The following C12orf43 variants were observed in gnomAD, a reference collection of about 807,000 sequenced individuals.
C12orf43 encodes the protein protein CUSTOS.
In C12orf43, 15 loss-of-function variants were observed where a neutral mutation model predicts 20.6. The ratio of observed to expected loss-of-function variants is 0.73; its 90% CI spans 0.49 to 1.12. C12orf43 has a LOEUF of 1.12. Ranked by LOEUF, C12orf43 falls within the 50% of genes most tolerant of loss-of-function variation. The pLI is 0.00. For missense variants in C12orf43, 334 were observed against 344.4 expected (o/e 0.97, Z 0.24); for synonymous variants, 144 against 130.8 (o/e 1.10, Z -0.69).
chr12:121,001,338 C>A lies in C12orf43; in HGVS notation c.*2815G>T. Reference sequence around the variant, plus strand: ...CCTCGCTCCCCACTCTGCTCTGATGCATCAGAAAGGGAGGGCTCTGAGGCG... The same window carrying A: ...CCTCGCTCCCCACTCTGCTCTGATGAATCAGAAAGGGAGGGCTCTGAGGCG... On this transcript the variant is annotated 3_prime_UTR_variant, in exon 6 of 6. Transcript: ENST00000288757. 9.7e-7 allele frequency: 1 copy of A among 1,032,512 alleles called. No individual in the cohort carries two copies. Among genetic ancestry groups the A allele is most frequent in the Non-Finnish European group, 1.4e-6 (1 of 703,766 alleles). 64.0% of individuals were successfully genotyped at this position (1,032,512 alleles called of 1,614,324 possible). A position where few individuals can be genotyped will look rare whatever the true frequency, so the allele number is the denominator to read the frequency against.
chr12:121,010,296 G>T (rs1234335621), intron 3 of C12orf43, among the ~76,000 whole-genome samples: 2 of 152,206 alleles, frequency 1.3e-5, no homozygotes, highest in African/African-American at 4.8e-5. Flanking sequence ...GACAGAGTGA[G>T]ACTCTGTCTC....
intron 1 of C12orf43, chr12:121,012,556 T>C (rs1444872809): frequency 1.4e-6 from 1 of 695,654 alleles, no homozygotes; most frequent in Non-Finnish European, 2.6e-6. Context: ...AGATGCACTT[T>C]TAAGATGGAG....
Position 121,011,866 on chromosome 12 carries a change from G to A in C12orf43, c.146-720C>T, listed in dbSNP as rs542834640. On this transcript the variant is annotated intron_variant, in intron 1 of 5. Coordinates refer to ENST00000288757, the MANE Select transcript of C12orf43 (RefSeq NM_022895.3). ...AACGGTGGGGATGCCCGGCCTTTTG[G>A]TCATTCCCTCAAACCAGATACTGAA... is the stretch of plus-strand genomic sequence containing the variant. Among the ~76,000 whole-genome samples the A allele has an allele frequency of 2.6e-5, 4 of 152,328 alleles. No individual in the cohort carries two copies. The South Asian group carries it at 8.3e-4, about 32-fold the overall frequency.
At chr12:121,015,666 A>G (rs569520164) in intron 1 of C12orf43, among the ~76,000 whole-genome samples, 1 of 152,360 alleles carries the variant, frequency 6.6e-6, no homozygotes, top group East Asian at 1.9e-4. Context: ...TATCAATAAA[A>G]TGATATATTG....
intron 3 of C12orf43, among the ~76,000 whole-genome samples, chr12:121,007,848 A>T (rs1231807411): frequency 6.6e-6 from 1 of 152,088 alleles, no homozygotes; most frequent in Non-Finnish European, 1.5e-5. Context: ...ACCCGGGGAG[A>T]GGGAGTAGAG....
rs1877780274 is a variant in C12orf43, at chr12:121,004,233, T to C, written c.709A>G (p.Lys237Glu). 2 of 1,614,200 alleles carry C rather than the reference T, an allele frequency of 1.2e-6. No homozygotes were observed. ...NGDQVSLGTK[K>E]KKKAKKASET... ...CTGGCCTTCTTTGCCTTTTTCTTCTTTTTGGTCCCAAGCGACACCTGGTCC... is the reference window on the plus strand; with the variant it reads ...CTGGCCTTCTTTGCCTTTTTCTTCTCTTTGGTCCCAAGCGACACCTGGTCC... Residue 237 changes from lysine (K) to glutamate (E), a missense_variant, in exon 6 of 6, where the codon AAG becomes GAG. Physicochemically the swap from Lys to Glu is moderately conservative, Grantham distance 56. Coordinates refer to ENST00000288757, the MANE Select transcript of C12orf43 (RefSeq NM_022895.3). The surrounding 1 kb of genome is among the most constrained non-coding windows in gnomAD (Gnocchi z 5.6).
Position 121,004,247 on chromosome 12 carries a change from G to A in C12orf43, c.695C>T (p.Ser232Leu), listed in dbSNP as rs753647640. ...CTTTTTCTTCTTTTTGGTCCCAAGC[G>A]ACACCTGGTCCCCGTTGAGCTCACC... ...KSGELNGDQV[S>L]LGTKKKKKAK... The change falls in exon 6 of 6, where the codon TCG becomes TTG. Residue 232 changes from serine (S) to leucine (L), a missense_variant. Transcript: ENST00000288757. The surrounding 1 kb of genome is among the most constrained non-coding windows in gnomAD (Gnocchi z 5.6). 11 of 1,614,078 alleles carry A rather than the reference G, an allele frequency of 6.8e-6. No homozygotes were observed. The highest frequency in any genetic ancestry group is 1.7e-5 in the Admixed American group (1 of 60,002).
chr12:121,006,418 T>C lies in C12orf43; in HGVS notation c.288-24A>G, dbSNP rs750292057. ...AGCTACAGGGAGACGAGACGGTTGA[T>C]TTAAGATGAGATTTTTGGATAACGA... On this transcript the variant is annotated intron_variant, in intron 3 of 5. Transcript: ENST00000288757. 14 of 1,609,584 alleles carry C rather than the reference T, an allele frequency of 8.7e-6. No homozygotes were observed. In the South Asian group the frequency reaches 1.5e-4, roughly 18 times the overall value.
rs1158976913 is a variant in C12orf43 at position 121,001,266 on chromosome 12, A to G, written c.*2887T>C. 1.4e-5 allele frequency: 22 copies of G among 1,575,668 alleles called. No homozygotes were observed. The highest frequency in any genetic ancestry group is 1.8e-5 in the Non-Finnish European group (21 of 1,156,062). The stretch of plus-strand genomic sequence containing the variant: ...GAGGGCAGCAGCCAGCCCTGCCTGG[A>G]GGACCTGAGCCTGCCGAGCAACCGT... On this transcript the variant is annotated 3_prime_UTR_variant, in exon 6 of 6. Transcript: ENST00000288757.
Position 121,013,525 on chromosome 12 carries a change from A to T in C12orf43, c.146-2379T>A, listed in dbSNP as rs114783472. The stretch of plus-strand genomic sequence containing the variant: ...CCTTCCTGGATTTGTAAGCTACTTG[A>T]ATACGTGGTCTGCCTCTTTTTACCT... On this transcript the variant is annotated intron_variant, in intron 1 of 5. Transcript: ENST00000288757. Among the ~76,000 whole-genome samples the T allele has an allele frequency of 7.7e-3, 1,177 of 152,304 alleles. 16 individuals are homozygous for T. The highest frequency in any genetic ancestry group is 0.026 in the African/African-American group (1,100 of 41,576).
In C12orf43 at chr12:121,004,911, C is replaced by T; in HGVS notation, c.452+92G>A. On this transcript the variant is annotated intron_variant, in intron 5 of 5. Coordinates refer to ENST00000288757, the MANE Select transcript of C12orf43 (RefSeq NM_022895.3). This position sits in a 1 kb window ranked among gnomAD's most constrained non-coding sequence, Gnocchi z 5.6. The stretch of plus-strand genomic sequence containing the variant: ...ACAGGGCCACTGCCTTGGCCTGGTC[C>T]TGACTGGAGTCTGCTTGGCTATTCC... 1 of 957,558 alleles carries T rather than the reference C, an allele frequency of 1.0e-6. No homozygotes were observed. The highest frequency in any genetic ancestry group is 2.6e-5 in the South Asian group (1 of 38,868). 59.3% of individuals were successfully genotyped at this position (957,558 alleles called of 1,614,324 possible).
In C12orf43 at chr12:121,004,292, G is replaced by C; in HGVS notation, c.650C>G (p.Thr217Arg). ...CTCACCTGACTTCTGCTTCTGGACT[G>C]TGGCCATGCTGGTGGGGGTGGTGGC... is the stretch of plus-strand genomic sequence containing the variant. ...VAATTPTSMA[T>R]VQKQKSGELN... Residue 217 changes from threonine to arginine, a missense_variant, in exon 6 of 6, where the codon ACA becomes AGA. Transcript: ENST00000288757. This position sits in a 1 kb window ranked among gnomAD's most constrained non-coding sequence, Gnocchi z 5.6. 1 of 1,614,240 alleles carries C rather than the reference G, an allele frequency of 6.2e-7. No individual in the cohort carries two copies. The highest frequency in any genetic ancestry group is 8.5e-7 in the Non-Finnish European group (1 of 1,180,052).
chr12:121,002,030 G>A lies in C12orf43; in HGVS notation c.*2123C>T, dbSNP rs1397514719. On this transcript the variant is annotated 3_prime_UTR_variant, in exon 6 of 6. Transcript: ENST00000288757. ...GCCTCGCAACCCGTGCCAAGTCCAG[G>A]TCCTGGTGGGGCAGCTCCTCTGTCT... The A allele has an allele frequency of 3.7e-6, 2 of 536,790 alleles. No individual in the cohort carries two copies. Among genetic ancestry groups the A allele is most frequent in the East Asian group, 7.8e-5 (2 of 25,794 alleles). The allele number at this position is 536,790 out of a possible 1,614,324, so 33.3% of individuals were successfully genotyped here. A position where few individuals can be genotyped will look rare whatever the true frequency, so the allele number is the denominator to read the frequency against.
intron 3 of C12orf43, among the ~76,000 whole-genome samples, chr12:121,010,353 C>G (rs952447965): frequency 1.3e-5 from 2 of 152,176 alleles, no homozygotes; most frequent in Non-Finnish European, 2.9e-5. Context: ...GTCAGACGCA[C>G]TTGGGTTTGA....
Position 121,005,943 on chromosome 12 carries a change from G to A in C12orf43, c.361+378C>T, listed in dbSNP as rs58594168. 4.0e-3 allele frequency: 704 copies of A among 174,948 alleles called. 33 individuals carry two copies. In the East Asian group the frequency reaches 0.087, roughly 22 times the overall value. 10.8% of individuals were successfully genotyped at this position (174,948 alleles called of 1,614,324 possible). A position where few individuals can be genotyped will look rare whatever the true frequency, so the allele number is the denominator to read the frequency against. On this transcript the variant is annotated intron_variant, in intron 4 of 5. Coordinates refer to ENST00000288757, the MANE Select transcript of C12orf43 (RefSeq NM_022895.3). This position sits in a 1 kb window ranked among gnomAD's most constrained non-coding sequence, Gnocchi z 5.6. ...AAAAAAATACAAAAATTAGCCAGGTGTGGTGGTGCACGCCTGTAGTCCCAG... is the reference window on the plus strand; with the variant it reads ...AAAAAAATACAAAAATTAGCCAGGTATGGTGGTGCACGCCTGTAGTCCCAG...
intron 1 of C12orf43, among the ~76,000 whole-genome samples, chr12:121,014,487 G>A (rs1285925332): frequency 2.0e-5 from 3 of 151,740 alleles, no homozygotes; most frequent in Non-Finnish European, 2.9e-5. Context: ...AAAATTAGCT[G>A]GGCGTGGTGG....
rs186078842 is a variant in C12orf43 at position 121,006,472 on chromosome 12, G to A, written c.288-78C>T. ...AAACAAAATTCTTTTTCAAGTGGAG[G>A]GGATGGGGTATGTGATTGTAAATGC... On this transcript the variant is annotated intron_variant, in intron 3 of 5. Transcript: ENST00000288757. 5 of 1,368,902 alleles carry A rather than the reference G, an allele frequency of 3.7e-6. 1 individual carries two copies. The African/African-American group carries it at 7.2e-5, about 20-fold the overall frequency. The allele number at this position is 1,368,902 out of a possible 1,614,324, so 84.8% of individuals were successfully genotyped here.
chr12:121,014,318 C>T (rs146434948), intron 1 of C12orf43, among the ~76,000 whole-genome samples: 2 of 150,028 alleles, frequency 1.3e-5, no homozygotes, highest in South Asian at 4.2e-4. Context: ...GGTAACAGAG[C>T]GAGACTGCGT....
rs534452338 is a variant in C12orf43, at chr12:121,003,907, C to A, written c.*246G>T. The A allele has an allele frequency of 1.7e-6, 1 of 580,404 alleles. No homozygotes were observed. Among genetic ancestry groups the A allele is most frequent in the Admixed American group, 3.0e-5 (1 of 33,056 alleles). 36.0% of individuals were successfully genotyped at this position (580,404 alleles called of 1,614,324 possible). On this transcript the variant is annotated 3_prime_UTR_variant, in exon 6 of 6. Transcript: ENST00000288757. ...CATGAAATGTTCTGGAACCACAGCG[C>A]CCCCGCCAGCCCTCCGTGGGAGCAC...
Sources: gnomAD v4.1 joint callset for allele counts (sites outside exome capture counted in the v4.1 genomes callset) on GRCh38, gnomAD v4.1.1 for gene constraint, Gnocchi (gnomAD v3.1) non-coding constraint, MANE v1.5 for transcripts, NCBI Gene and HGNC (gene_info 2026-07-23, HGNC 2026-07-21) for gene names.